EFCAB8: variants seen among roughly 807,000 people sequenced by gnomAD.
EFCAB8 encodes the protein EF-hand calcium-binding domain-containing protein 8.
A neutral mutation model predicts 116.3 loss-of-function variants in EFCAB8; 100 were observed. The observed-to-expected ratio is 0.86, with a 90% CI of 0.73 to 1.02. EFCAB8 has a LOEUF of 1.02. Ranked by LOEUF, EFCAB8 falls within the 50% of genes least tolerant of loss-of-function variation. The pLI is 0.00. For missense variants in EFCAB8, 1,320 were observed against 1,416.9 expected (o/e 0.93, Z 1.10); for synonymous variants, 558 against 567.9 (o/e 0.98, Z 0.25).
In EFCAB8 at chr20:32,918,451, G is replaced by A. The variant is rs1375566095; in HGVS notation, c.2151G>A (p.Arg717=). The change falls in exon 19 of 27, where the codon AGG becomes AGA. Residue 717 remains arginine (R), a synonymous_variant. Transcript: ENST00000400522. ...EREKWTYKTS[R]KLSSLSPESV... is the part of the protein sequence containing the mutation. ...AGAAGTGGACATACAAGACCTCCAG[G>A]AAGCTCTCCAGTCTCAGCCCCGAGT... 6.4e-7 allele frequency: 1 copy of A among 1,551,724 alleles called. No homozygotes were observed. The highest frequency in any genetic ancestry group is 2.4e-5 in the East Asian group (1 of 40,916).
chr20:32,879,730 G>A (rs565661455), intron 5 of EFCAB8, among the ~76,000 whole-genome samples: 85 of 152,234 alleles, frequency 5.6e-4, no homozygotes, highest in African/African-American at 2.0e-3. Flanking sequence ...ATTCTTGTCC[G>A]TGTCCCTGTG....
In EFCAB8 at chr20:32,950,012, A is replaced by AC. The variant is rs34371315; in HGVS notation, c.2959+6208_2959+6209insC. On this transcript the variant is annotated intron_variant, in intron 23 of 26. Coordinates refer to ENST00000400522, the MANE Select transcript of EFCAB8 (RefSeq NM_001143967.2). ...AAGACTCTGTCTCAAAAACAAACAA[A>AC]ACAACAAAACAACAACAACAACAAC... Among the ~76,000 whole-genome samples the AC allele has an allele frequency of 8.6e-3, 496 of 57,464 alleles. 1 individual carries two copies. The highest frequency in any genetic ancestry group is 0.039 in the African/African-American group (479 of 12,370). The allele number at this position is 57,464 out of a possible 152,430, so 37.7% of individuals were successfully genotyped here. A position where few individuals can be genotyped will look rare whatever the true frequency, so the allele number is the denominator to read the frequency against.
intron 16 of EFCAB8, 78 bp from the exon 17 acceptor site, chr20:32,912,716 C>A: frequency 1.4e-6 from 1 of 711,026 alleles, no homozygotes; most frequent in South Asian, 1.5e-5. Context: ...TTGCTTGGCA[C>A]CTTTAGGAAG....
Position 32,961,565 on chromosome 20 carries a change from A to T in EFCAB8, c.3823A>T (p.Thr1275Ser), listed in dbSNP as rs1004068628. The change falls in exon 27 of 27, where the codon ACC becomes TCC. Residue 1275 changes from threonine to serine, a missense_variant. Thr to Ser is a moderately conservative substitution (Grantham distance 58, BLOSUM62 1). Coordinates refer to ENST00000400522, the MANE Select transcript of EFCAB8 (RefSeq NM_001143967.2). ...GCGGCCCCCAAGGCCTCTGAAGGCC[A>T]CCTTCATGTCCTCTGTGAAGGGGAG... The part of the protein sequence containing the change: ...FERPPRPLKA[T>S]FMSSVKGSSH... 7 of 1,393,938 alleles carry T rather than the reference A, an allele frequency of 5.0e-6. No homozygotes were observed. In the African/African-American group the frequency reaches 1.0e-4, roughly 20 times the overall value. The allele number at this position is 1,393,938 out of a possible 1,614,324, so 86.3% of individuals were successfully genotyped here. A position where few individuals can be genotyped will look rare whatever the true frequency, so the allele number is the denominator to read the frequency against.
At chr20:32,957,999 TTC>T (rs1989026407) in intron 23 of EFCAB8, among the ~76,000 whole-genome samples, 1 of 152,174 alleles carries the variant, frequency 6.6e-6, no homozygotes, top group Non-Finnish European at 1.5e-5. Context: ...CAGGACTTAA[TTC>T]TGTTTTCAGT....
At chr20:32,903,208 G>A (rs183339249) in intron 11 of EFCAB8, among the ~76,000 whole-genome samples, 14 of 152,284 alleles carry the variant, frequency 9.2e-5, no homozygotes, top group African/African-American at 3.1e-4. Context: ...CACCACACCG[G>A]CCTTGCATAG....
intron 23 of EFCAB8, among the ~76,000 whole-genome samples, chr20:32,956,932 C>T (rs1056550202): frequency 2.2e-4 from 32 of 147,916 alleles, no homozygotes; most frequent in Non-Finnish European, 4.2e-4. Context: ...TCATAGGTCT[C>T]ATGCCCTATT....
At chr20:32,920,003 T>C (rs1987371152) in intron 19 of EFCAB8, 75 bp from the exon 20 acceptor site, 1 of 1,542,790 alleles carries the variant, frequency 6.5e-7, no homozygotes, top group Non-Finnish European at 8.8e-7. Context: ...TTTTATCATC[T>C]TCCTCTGGTC....
intron 17 of EFCAB8, among the ~76,000 whole-genome samples, chr20:32,915,588 C>T (rs1454426742): frequency 6.6e-6 from 1 of 152,104 alleles, no homozygotes; most frequent in Non-Finnish European, 1.5e-5. Flanking sequence ...TTTCTAGGCC[C>T]TCACTGGAAT....
At chr20:32,878,110 A>G (rs1234015772) in intron 4 of EFCAB8, among the ~76,000 whole-genome samples, 2 of 152,122 alleles carry the variant, frequency 1.3e-5, no homozygotes, top group African/African-American at 4.8e-5. Flanking sequence ...TACAAAAAAT[A>G]CAAAAATTAG....
intron 20 of EFCAB8, among the ~76,000 whole-genome samples, chr20:32,928,717 AT>A (rs1199302944): frequency 6.6e-6 from 1 of 151,950 alleles, no homozygotes; most frequent in Non-Finnish European, 1.5e-5. Flanking sequence ...TTTTTGCCTA[AT>A]CCCTCTGGCA....
chr20:32,909,777 G>T, intron 14 of EFCAB8, 44 bp from the exon 15 acceptor site: 1 of 1,059,370 alleles, frequency 9.4e-7, no homozygotes, highest in African/African-American at 1.6e-5. Context: ...TGTGAGCAGA[G>T]CCCTTCTGAC....
At chr20:32,885,469 TGC>T (rs1314951435) in intron 5 of EFCAB8, 34 bp from the exon 6 acceptor site, 1 of 1,550,600 alleles carries the variant, frequency 6.4e-7, no homozygotes, top group African/African-American at 1.4e-5. Flanking sequence ...GAGCTGTTTT[TGC>T]TTGGGCTCTT....
In EFCAB8 at chr20:32,870,910, G is replaced by A. The variant is rs533509694; in HGVS notation, c.208+3163G>A. ...GTCTCACTCTGTCACCCAGGCTAGA[G>A]TGCAGTGGTGCGATCTCGGCTCACT... On this transcript the variant is annotated intron_variant, in intron 3 of 26. Transcript: ENST00000400522. Among the ~76,000 whole-genome samples, 23 of 151,548 alleles carry A rather than the reference G, an allele frequency of 1.5e-4. No individual in the cohort carries two copies. The East Asian group carries it at 4.3e-3, about 28-fold the overall frequency.
chr20:32,868,015 C>CT (rs57768611), intron 3 of EFCAB8, among the ~76,000 whole-genome samples: 6,179 of 147,582 alleles, frequency 0.042, 160 homozygotes, highest in Middle Eastern at 0.056. Flanking sequence ...TAAAATTTTT[C>CT]TTTTTTTTTT....
At chr20:32,867,475 C>T in intron 2 of EFCAB8, 107 bp from the exon 3 acceptor site, 2 of 1,252,560 alleles carry the variant, frequency 1.6e-6, no homozygotes, top group Non-Finnish European at 2.2e-6. Context: ...CATAACACTA[C>T]TTACCTTGTT....
Position 32,859,024 on chromosome 20 carries a change from G to A in EFCAB8, c.-11+18G>A, listed in dbSNP as rs1334630227. ...GAGTCAGGGTGAGTGAGGGTTTTAG[G>A]TGAAAGTTGCTCTCCAAAAGATTGG... On this transcript the variant is annotated intron_variant, in intron 1 of 26. Coordinates refer to ENST00000400522, the MANE Select transcript of EFCAB8 (RefSeq NM_001143967.2). 4 of 471,032 alleles carry A rather than the reference G, an allele frequency of 8.5e-6. No homozygotes were observed. Among genetic ancestry groups the A allele is most frequent in the Non-Finnish European group, 1.8e-5 (4 of 227,044 alleles). The allele number at this position is 471,032 out of a possible 1,614,324, so 29.2% of individuals were successfully genotyped here.
chr20:32,882,364 G>C (rs1311122381), intron 5 of EFCAB8, among the ~76,000 whole-genome samples: 1 of 152,106 alleles, frequency 6.6e-6, no homozygotes. Flanking sequence ...AGCTGTTCAC[G>C]GCACACTGTC....
chr20:32,947,183 A>T lies in EFCAB8; in HGVS notation c.2959+3379A>T, dbSNP rs377517590. ...TTGAAACTTTATGAAAAATGACCAAACTGTTTTGCATTTCTACCTTTGTGT... is the reference window on the plus strand; with the variant it reads ...TTGAAACTTTATGAAAAATGACCAATCTGTTTTGCATTTCTACCTTTGTGT... On this transcript the variant is annotated intron_variant, in intron 23 of 26. Coordinates refer to ENST00000400522, the MANE Select transcript of EFCAB8 (RefSeq NM_001143967.2). Among the ~76,000 whole-genome samples the T allele has an allele frequency of 2.0e-5, 3 of 152,046 alleles. No individual in the cohort carries two copies. The East Asian group carries it at 5.8e-4, about 29-fold the overall frequency.
Sources: allele counts gnomAD v4.1 joint callset (sites outside exome capture counted in the v4.1 genomes callset), GRCh38; gene constraint gnomAD v4.1.1; transcripts MANE v1.5; gene names NCBI Gene and HGNC (gene_info 2026-07-23, HGNC 2026-07-21).